CYP7B1: variants seen among roughly 807,000 people sequenced by gnomAD.
The protein encoded by CYP7B1 is cytochrome P450 family 7 subfamily B member 1.
A neutral mutation model predicts 42.7 loss-of-function variants in CYP7B1; 29 were observed. The observed-to-expected ratio is 0.68, with a 90% CI of 0.51 to 0.93. The LOEUF (loss-of-function observed/expected upper bound fraction) is 0.93. CYP7B1 is among the 40% of genes least tolerant of loss of function. CYP7B1 has a pLI of 0.00. For missense variants in CYP7B1, 655 were observed against 600.5 expected (o/e 1.09, Z -0.95); for synonymous variants, 235 against 218.2 (o/e 1.08, Z -0.68).
At chr8:64,651,178 C>G (rs1355915611) in intron 1 of CYP7B1, among the ~76,000 whole-genome samples, 1 of 152,192 alleles carries the variant, frequency 6.6e-6, no homozygotes, top group Non-Finnish European at 1.5e-5. Context: ...GATGGTTTCT[C>G]TCTTCTCTGA....
In CYP7B1 at chr8:64,624,434, T is replaced by C. The variant is rs1477743803; in HGVS notation, c.228A>G (p.Gln76=). ...PLRFMKTLQK[Q]HGDTFTVLLG... is the part of the protein sequence containing the mutation. ...GAAGAACTGTGAAAGTGTCACCATG[T>C]TGCTTTTGAAGTGTTTTCATGAACC... is the stretch of plus-strand genomic sequence containing the variant. The change falls in exon 2 of 6, where the codon CAA becomes CAG. Residue 76 remains glutamine, a synonymous_variant. Coordinates refer to ENST00000310193, the MANE Select transcript of CYP7B1 (RefSeq NM_004820.5). 3 of 1,613,856 alleles carry C rather than the reference T, an allele frequency of 1.9e-6. No homozygotes were observed. The highest frequency in any genetic ancestry group is 8.5e-7 in the Non-Finnish European group (1 of 1,179,970).
At chr8:64,670,999 AG>A (rs2129631686) in intron 1 of CYP7B1, among the ~76,000 whole-genome samples, 1 of 152,222 alleles carries the variant, frequency 6.6e-6, no homozygotes, top group African/African-American at 2.4e-5. Context: ...ACACAAGGAG[AG>A]CAGGATCATA....
In CYP7B1 at chr8:64,700,024, A is replaced by G. The variant is rs769715595; in HGVS notation, c.123-75485T>C. 4.7e-4 allele frequency among the ~76,000 whole-genome samples: 71 copies of G among 152,232 alleles called. No homozygotes were observed. The Middle Eastern group carries it at 0.014, about 29-fold the overall frequency. The stretch of plus-strand genomic sequence containing the variant: ...ACTTGAGTCCCACTGCTCATATGTC[A>G]CTGAGATAAATAGGATAAGTGACCT... On this transcript the variant is annotated intron_variant, in intron 1 of 5. Transcript: ENST00000310193.
intron 1 of CYP7B1, among the ~76,000 whole-genome samples, chr8:64,758,776 A>G (rs1807844814): frequency 6.6e-6 from 1 of 152,202 alleles, no homozygotes; most frequent in Non-Finnish European, 1.5e-5. Context: ...TAAGGATCAG[A>G]TGGAATAATG....
At chr8:64,789,973 T>C (rs907110713) in intron 1 of CYP7B1, among the ~76,000 whole-genome samples, 4 of 152,316 alleles carry the variant, frequency 2.6e-5, no homozygotes, top group African/African-American at 9.6e-5. Flanking sequence ...GAATCCTTCC[T>C]TCAACATGAT....
intron 1 of CYP7B1, among the ~76,000 whole-genome samples, chr8:64,787,261 T>C (rs1462994778): frequency 1.3e-5 from 2 of 152,224 alleles, no homozygotes; most frequent in Non-Finnish European, 2.9e-5. Flanking sequence ...TCTATCACAT[T>C]GTCAGGCTGC....
At chr8:64,637,396 C>G (rs1805789065) in intron 1 of CYP7B1, among the ~76,000 whole-genome samples, 1 of 152,178 alleles carries the variant, frequency 6.6e-6, no homozygotes, top group South Asian at 2.1e-4. Flanking sequence ...CTACACAGCA[C>G]ACGGTGCTGA....
chr8:64,742,040 TC>T (rs1807577484), intron 1 of CYP7B1, among the ~76,000 whole-genome samples: 1 of 152,156 alleles, frequency 6.6e-6, no homozygotes, highest in Non-Finnish European at 1.5e-5. Context: ...GATTTACTGA[TC>T]AGATAGATTA....
chr8:64,793,585 G>A (rs149687667), intron 1 of CYP7B1, among the ~76,000 whole-genome samples: 21 of 152,160 alleles, frequency 1.4e-4, no homozygotes, highest in Non-Finnish European at 2.5e-4. Context: ...TTAATGACTT[G>A]CTGTAGATGA....
intron 1 of CYP7B1, among the ~76,000 whole-genome samples, chr8:64,692,518 G>A (rs1806763005): frequency 6.6e-6 from 1 of 152,182 alleles, no homozygotes; most frequent in Admixed American, 6.5e-5. Flanking sequence ...TCTTAGAGAA[G>A]TGGAGAGAGA....
At chr8:64,695,613 T>G (rs1164766060) in intron 1 of CYP7B1, among the ~76,000 whole-genome samples, 1 of 121,638 alleles carries the variant, frequency 8.2e-6, no homozygotes, top group Non-Finnish European at 1.6e-5. Flanking sequence ...CTTTTTTTTT[T>G]TTTTTTTTTT....
At chr8:64,754,290 T>C (rs1807775143) in intron 1 of CYP7B1, among the ~76,000 whole-genome samples, 3 of 152,170 alleles carry the variant, frequency 2.0e-5, no homozygotes, top group African/African-American at 7.2e-5. Context: ...GCCCAAAAAA[T>C]GCAGGGTATC....
Position 64,629,042 on chromosome 8 carries a change from A to T in CYP7B1, c.123-4503T>A, listed in dbSNP as rs1805649386. Among the ~76,000 whole-genome samples, 4 of 152,210 alleles carry T rather than the reference A, an allele frequency of 2.6e-5. No individual in the cohort carries two copies. In the South Asian group the frequency reaches 8.3e-4, roughly 32 times the overall value. ...AGAGTTCGAGACCAGCCTGGCCAAC[A>T]TAGTGAAACCCCGTCTCAACTAAAA... On this transcript the variant is annotated intron_variant, in intron 1 of 5. Coordinates refer to ENST00000310193, the MANE Select transcript of CYP7B1 (RefSeq NM_004820.5).
At chr8:64,685,852 G>A (rs1348220981) in intron 1 of CYP7B1, among the ~76,000 whole-genome samples, 1 of 46,098 alleles carries the variant, frequency 2.2e-5, no homozygotes, top group African/African-American at 8.6e-5. Context: ...CGCCCGGCCA[G>A]CCGTGCCATC....
At chr8:64,702,686 G>A (rs190790318) in intron 1 of CYP7B1, among the ~76,000 whole-genome samples, 5 of 152,044 alleles carry the variant, frequency 3.3e-5, no homozygotes, top group African/African-American at 9.7e-5. Flanking sequence ...AATAAACAGC[G>A]GTGGTGCTGA....
intron 1 of CYP7B1, among the ~76,000 whole-genome samples, chr8:64,770,134 T>C (rs1186858550): frequency 6.6e-6 from 1 of 152,170 alleles, no homozygotes; most frequent in African/African-American, 2.4e-5. Flanking sequence ...AGCCCATTTA[T>C]GTTTTCCACC....
Position 64,616,226 on chromosome 8 carries a change from AT to A in CYP7B1, c.314del (p.Asn105IlefsTer5). 6.2e-7 allele frequency: 1 copy of A among 1,609,968 alleles called. No individual in the cohort carries two copies. Among genetic ancestry groups the A allele is most frequent in the Non-Finnish European group, 8.5e-7 (1 of 1,178,302 alleles). ...ATACTCGAAAGCTTAATTGTTTATG[AT>A]TTTTTATCACTAGCTGGTACTGGAA... ...DPFQYQLVIK[N>X]HKQLSFRVFS... On this transcript the variant is annotated frameshift_variant, in exon 3 of 6. Transcript: ENST00000310193. LOFTEE classifies it high-confidence loss of function.
intron 1 of CYP7B1, among the ~76,000 whole-genome samples, chr8:64,667,179 C>T (rs1009766674): frequency 1.3e-5 from 2 of 152,000 alleles, no homozygotes; most frequent in Admixed American, 6.6e-5. Flanking sequence ...GGAAAGAAAC[C>T]CCACCCTGTC....
chr8:64,606,737 T>C (rs1162557225), intron 4 of CYP7B1, among the ~76,000 whole-genome samples: 2 of 152,178 alleles, frequency 1.3e-5, no homozygotes, highest in African/African-American at 4.8e-5. Context: ...GTACCAGTTA[T>C]GTGTGCGAGA....
Sources: gnomAD v4.1 joint callset for allele counts (sites outside exome capture counted in the v4.1 genomes callset) on GRCh38, gnomAD v4.1.1 for gene constraint, MANE v1.5 for transcripts, NCBI Gene and HGNC (gene_info 2026-07-23, HGNC 2026-07-21) for gene names.